Variants in FOXJ3 observed in about 807,000 individuals in gnomAD.
The protein encoded by FOXJ3 is forkhead box J3.
FOXJ3 carries 22 observed loss-of-function variants against 76.1 expected under a neutral mutation model. That is an observed-to-expected ratio of 0.29 (90% CI 0.21 to 0.41). The LOEUF is 0.41. Among genes scored for constraint, FOXJ3 ranks in the 10% least tolerant of loss-of-function variants. The probability of loss-of-function intolerance (pLI) is 1.00; values close to 1 mark genes in which losing one functional copy is unlikely to be tolerated. For missense variants in FOXJ3, 613 were observed against 762.1 expected, an observed-to-expected ratio of 0.80 and a Z score of 2.30; for synonymous variants, 269 against 261.2, an observed-to-expected ratio of 1.03 and a Z score of -0.29.
intron 8 of FOXJ3, among the ~76,000 whole-genome samples, chr1:42,194,467 T>A (rs1317399990): frequency 1.3e-5 from 2 of 152,226 alleles, no homozygotes; most frequent in Non-Finnish European, 2.9e-5. Context: ...AATCACAAAT[T>A]TGGCGCTACC....
chr1:42,251,890 TG>T (rs1650109547), intron 4 of FOXJ3, among the ~76,000 whole-genome samples: 1 of 151,874 alleles, frequency 6.6e-6, no homozygotes, highest in Non-Finnish European at 1.5e-5. Context: ...GGCTAATTTT[TG>T]TATTTTTAGT....
At chr1:42,188,165 A>G (rs1283453330) in intron 11 of FOXJ3, among the ~76,000 whole-genome samples, 2 of 152,208 alleles carry the variant, frequency 1.3e-5, no homozygotes, top group Admixed American at 6.5e-5. Context: ...TAACTTGGAT[A>G]TGAAATTCCT....
rs527322845 is a variant in FOXJ3 at position 42,225,615 on chromosome 1, A to C, written c.528+2268T>G. ...CAATATCCAGCTTAGGCCAAAATGA[A>C]TATCAGTATTAGTAATCGAAAGGCC... On this transcript the variant is annotated intron_variant, in intron 5 of 12. Transcript: ENST00000361346. Among the ~76,000 whole-genome samples the C allele has an allele frequency of 4.6e-5, 7 of 152,324 alleles. No homozygotes were observed. In the East Asian group the frequency reaches 1.3e-3, roughly 29 times the overall value.
chr1:42,328,113 T>C (rs185801416), intron 1 of FOXJ3, among the ~76,000 whole-genome samples: 111 of 152,278 alleles, frequency 7.3e-4, no homozygotes, highest in Admixed American at 1.3e-3. Context: ...GGAGCCAGCA[T>C]AGTCAGATCT....
chr1:42,278,739 T>C, intron 2 of FOXJ3, 67 bp from the exon 3 acceptor site: 1 of 1,175,358 alleles, frequency 8.5e-7, no homozygotes, highest in Non-Finnish European at 1.2e-6. Context: ...ATATCCAATA[T>C]TCACAAATCT....
At chr1:42,246,292 G>C (rs1233155045) in intron 4 of FOXJ3, among the ~76,000 whole-genome samples, 1 of 151,832 alleles carries the variant, frequency 6.6e-6, no homozygotes, top group Non-Finnish European at 1.5e-5. Flanking sequence ...GAATATACAA[G>C]GAACTCAACT....
intron 1 of FOXJ3, among the ~76,000 whole-genome samples, chr1:42,325,742 T>G (rs1199916219): frequency 1.3e-5 from 2 of 152,260 alleles, no homozygotes; most frequent in Non-Finnish European, 2.9e-5. Flanking sequence ...AAATAATTAC[T>G]GTAAGTAAAC....
intron 2 of FOXJ3, among the ~76,000 whole-genome samples, chr1:42,279,671 A>G (rs1035394667): frequency 6.6e-6 from 1 of 152,192 alleles, no homozygotes; most frequent in African/African-American, 2.4e-5. Flanking sequence ...TTCACATTGG[A>G]ATTGTTAACT....
At chr1:42,192,929 G>C (rs1359316581) in intron 8 of FOXJ3, among the ~76,000 whole-genome samples, 3 of 152,112 alleles carry the variant, frequency 2.0e-5, no homozygotes, top group African/African-American at 7.2e-5. Context: ...AAAAGTTCTT[G>C]CCTTGGTCCT....
At chr1:42,234,803 C>T (rs907685108) in intron 4 of FOXJ3, among the ~76,000 whole-genome samples, 11 of 152,132 alleles carry the variant, frequency 7.2e-5, no homozygotes, top group African/African-American at 2.7e-4. Flanking sequence ...TGTCAGTGTG[C>T]TCCTACTGGG....
At chr1:42,220,540 G>A (rs866317522) in intron 5 of FOXJ3, among the ~76,000 whole-genome samples, 2 of 152,078 alleles carry the variant, frequency 1.3e-5, no homozygotes, top group Non-Finnish European at 2.9e-5. Flanking sequence ...CTCCTCGAGG[G>A]CTTTTTTTCT....
chr1:42,258,957 G>A (rs1309681121), intron 4 of FOXJ3, among the ~76,000 whole-genome samples: 2 of 152,146 alleles, frequency 1.3e-5, no homozygotes, highest in African/African-American at 2.4e-5. Context: ...TCAAGTCTAA[G>A]CCGAAAAGAA....
chr1:42,227,963 A>C lies in FOXJ3; in HGVS notation c.448T>G (p.Ser150Ala), dbSNP rs1647711956. 6.5e-7 allele frequency: 1 copy of C among 1,536,488 alleles called. No individual in the cohort carries two copies. The highest frequency in any genetic ancestry group is 8.9e-7 in the Non-Finnish European group (1 of 1,123,494). Reference sequence around the variant, plus strand: ...GGATTGGTGTCTATTGCCCAGTAGGACCCCTAGAGGTAAAGAAATTATATT... The same window carrying C: ...GGATTGGTGTCTATTGCCCAGTAGGCCCCCTAGAGGTAAAGAAATTATATT... ...PRSKDDPGKG[S>A]YWAIDTNPKE... Residue 150 changes from serine (S) to alanine (A), a missense_variant, in exon 5 of 13, where the codon TCC becomes GCC. By Grantham distance (99) the Ser-to-Ala change is moderately conservative (BLOSUM62 1). This residue lies in a region of FOXJ3 where 526 missense variants were observed against 601.4 expected (regional missense o/e 0.87). Coordinates refer to ENST00000361346, the MANE Select transcript of FOXJ3 (RefSeq NM_014947.5).
intron 5 of FOXJ3, among the ~76,000 whole-genome samples, chr1:42,218,667 C>G (rs910168535): frequency 6.6e-6 from 1 of 152,160 alleles, no homozygotes; most frequent in Non-Finnish European, 1.5e-5. Context: ...CTAGAGTGAC[C>G]GTGTTAAAAT....
chr1:42,312,376 A>G lies in FOXJ3; in HGVS notation c.-17-1266T>C, dbSNP rs577798078. ...CCTGGCCCTGATTTTCATTTCCTAA[A>G]TACTATGTAGGCCAAACAGAAACTG... is the stretch of plus-strand genomic sequence containing the variant. On this transcript the variant is annotated intron_variant, in intron 1 of 12. Transcript: ENST00000361346. 2.4e-4 allele frequency among the ~76,000 whole-genome samples: 36 copies of G among 152,246 alleles called. No homozygotes were observed. The South Asian group carries it at 7.3e-3, about 31-fold the overall frequency.
intron 2 of FOXJ3, among the ~76,000 whole-genome samples, chr1:42,286,791 G>A (rs906006032): frequency 2.6e-5 from 4 of 151,920 alleles, no homozygotes; most frequent in African/African-American, 9.6e-5. Flanking sequence ...GTGCCACCAC[G>A]CCCGGTTAAA....
chr1:42,236,319 T>A (rs79111498), intron 4 of FOXJ3, among the ~76,000 whole-genome samples: 2,591 of 152,256 alleles, frequency 0.017, 69 homozygotes, highest in African/African-American at 0.06. Context: ...GCCTCCTGAA[T>A]AGGTAGGACT....
chr1:42,209,337 G>A (rs1646921095), intron 5 of FOXJ3, among the ~76,000 whole-genome samples: 3 of 152,168 alleles, frequency 2.0e-5, no homozygotes. Flanking sequence ...GGATTAACAT[G>A]CCCCTCCCAC....
chr1:42,231,513 TTAAG>T (rs1424268391), intron 4 of FOXJ3, among the ~76,000 whole-genome samples: 2 of 152,008 alleles, frequency 1.3e-5, no homozygotes, highest in Admixed American at 6.6e-5. Context: ...AGTGAAGAAT[TTAAG>T]TGTGGGAAGA....
Sources: allele counts gnomAD v4.1 joint callset (sites outside exome capture counted in the v4.1 genomes callset), GRCh38; gene constraint gnomAD v4.1.1; regional missense constraint gnomAD v4.1.1; transcripts MANE v1.5; gene names NCBI Gene and HGNC (gene_info 2026-07-23, HGNC 2026-07-21).